PPP1R16A: variants seen among roughly 807,000 people sequenced by gnomAD.
PPP1R16A encodes protein phosphatase 1 regulatory subunit 16A.
PPP1R16A carries 39 observed loss-of-function variants against 46.6 expected under a neutral mutation model. The ratio of observed to expected loss-of-function variants is 0.84; its 90% CI spans 0.65 to 1.09. The LOEUF (loss-of-function observed/expected upper bound fraction) is 1.09. PPP1R16A is among the 50% of genes least tolerant of loss of function. PPP1R16A has a pLI of 0.00. For synonymous variants in PPP1R16A, 413 were observed against 321.5 expected (o/e 1.28, Z -3.04); for missense variants, 798 against 735.6 (o/e 1.08, Z -0.98).
chr8:144,499,972 TG>T, intron 5 of PPP1R16A, 123 bp from the exon 6 acceptor site: 1 of 918,566 alleles, frequency 1.1e-6, no homozygotes, highest in Non-Finnish European at 1.6e-6. Flanking sequence ...CAGCAGCAGG[TG>T]GACAGGGTGC....
chr8:144,485,609 C>T (rs1825604568), intron 1 of PPP1R16A, among the ~76,000 whole-genome samples: 1 of 152,010 alleles, frequency 6.6e-6, no homozygotes, highest in Non-Finnish European at 1.5e-5. Context: ...TTCCCGGGTA[C>T]CCATGTGGTA....
chr8:144,478,095 C>G lies in PPP1R16A; in HGVS notation c.-946C>G, dbSNP rs1825249320. 5 of 395,670 alleles carry G rather than the reference C, an allele frequency of 1.3e-5. No homozygotes were observed. Among genetic ancestry groups the G allele is most frequent in the Non-Finnish European group, 2.2e-5 (5 of 224,148 alleles). 24.5% of individuals were successfully genotyped at this position (395,670 alleles called of 1,614,324 possible). A position where few individuals can be genotyped will look rare whatever the true frequency, so the allele number is the denominator to read the frequency against. On this transcript the variant is annotated 5_prime_UTR_variant, in exon 1 of 12. Coordinates refer to ENST00000435887, the MANE Select transcript of PPP1R16A (RefSeq NM_001329443.2). Reference sequence around the variant, plus strand: ...CCACTGACCCGCGGAAGCCAGCGGACCCACTTGTGCGGCGGTCGGCGCGGG... The same window carrying G: ...CCACTGACCCGCGGAAGCCAGCGGAGCCACTTGTGCGGCGGTCGGCGCGGG...
chr8:144,501,831 A>G lies in PPP1R16A; in HGVS notation c.1515A>G (p.Pro505=). ...GTGGCTTCAGGGCAGGCGGGGACCC[A>G]CCCCTGCTCAAGCTCACAGCCCCGG... ...PDCGFRAGGD[P]PLLKLTAPAV... is the part of the protein sequence containing the mutation. Residue 505 remains proline, a synonymous_variant, in exon 12 of 12, where the codon CCA becomes CCG. Coordinates refer to ENST00000435887, the MANE Select transcript of PPP1R16A (RefSeq NM_001329443.2). 1 of 1,549,928 alleles carries G rather than the reference A, an allele frequency of 6.5e-7. No individual in the cohort carries two copies. Among genetic ancestry groups the G allele is most frequent in the Non-Finnish European group, 8.7e-7 (1 of 1,148,594 alleles).
intron 2 of PPP1R16A, among the ~76,000 whole-genome samples, chr8:144,494,583 G>A (rs1825964875): frequency 6.6e-6 from 1 of 152,176 alleles, no homozygotes; most frequent in African/African-American, 2.4e-5. Context: ...GCTGGCATGA[G>A]CCACTGTTCC....
At chr8:144,498,316 G>A in intron 3 of PPP1R16A, 1 of 354,536 alleles carries the variant, frequency 2.8e-6, no homozygotes, top group Non-Finnish European at 5.6e-6. Context: ...GGGGAGGGGA[G>A]TGAGAGCAGG....
In PPP1R16A at chr8:144,493,497, G is replaced by A. The variant is rs915212063; in HGVS notation, c.-734-2964G>A. Among the ~76,000 whole-genome samples the A allele has an allele frequency of 6.6e-6, 1 of 152,192 alleles. No homozygotes were observed. The highest frequency in any genetic ancestry group is 6.5e-5 in the Admixed American group (1 of 15,288). Reference sequence around the variant, plus strand: ...TGTTCCTGGTCCATCTTGTGGCTGGGAGGAGTAGACAAAGCTTCCACTAGA... The same window carrying A: ...TGTTCCTGGTCCATCTTGTGGCTGGAAGGAGTAGACAAAGCTTCCACTAGA... On this transcript the variant is annotated intron_variant, in intron 2 of 11. Coordinates refer to ENST00000435887, the MANE Select transcript of PPP1R16A (RefSeq NM_001329443.2). The surrounding 1 kb of genome is among the most constrained non-coding windows in gnomAD (Gnocchi z 4.3).
At position 144,500,602 on chromosome 8, in the gene PPP1R16A, ACTGG is replaced by A; in HGVS notation, c.822_825del (p.Tyr274Ter). 6.2e-7 allele frequency: 1 copy of A among 1,600,826 alleles called. No individual in the cohort carries two copies. Among genetic ancestry groups the A allele is most frequent in the Non-Finnish European group, 8.5e-7 (1 of 1,179,082 alleles). On this transcript the variant is annotated frameshift_variant, in exon 8 of 12. Coordinates refer to ENST00000435887, the MANE Select transcript of PPP1R16A (RefSeq NM_001329443.2). LOFTEE classifies it high-confidence loss of function. ...TGGGAGCCGCTGCACGCCGCGGCCT[ACTGG>A]GGCCAGGTGAGTGCGGGCGGGAGCA...
intron 1 of PPP1R16A, among the ~76,000 whole-genome samples, chr8:144,485,499 G>T (rs1258875715): frequency 6.0e-5 from 9 of 150,760 alleles, no homozygotes; most frequent in Non-Finnish European, 1.2e-4. Context: ...ACTGCAGCCC[G>T]GGCAACAGAG....
rs1274922728 is a variant in PPP1R16A, at chr8:144,501,954, C to T, written c.*51C>T. 1.4e-6 allele frequency: 2 copies of T among 1,461,378 alleles called. No individual in the cohort carries two copies. The highest frequency in any genetic ancestry group is 2.4e-5 in the Admixed American group (1 of 42,282). 90.5% of individuals were successfully genotyped at this position (1,461,378 alleles called of 1,614,324 possible). ...CTGTCGCGGGCACAGCCCAAGGCTG[C>T]CTCCCCACGGTGCGTGCCCTGGTGC... On this transcript the variant is annotated 3_prime_UTR_variant, in exon 12 of 12. Transcript: ENST00000435887.
chr8:144,498,753 TCG>T lies in PPP1R16A; in HGVS notation c.260-15_260-14del, dbSNP rs1564768347. ...CCAGGGGCAGGACCCTGTCCTCACC[TCG>T]CCACCTTTTTGCAGTCCGCCAGTTC... On this transcript the variant is annotated splice_polypyrimidine_tract_variant and intron_variant, in intron 3 of 11. Transcript: ENST00000435887. 1 of 1,565,986 alleles carries T rather than the reference TCG, an allele frequency of 6.4e-7. No homozygotes were observed. Among genetic ancestry groups the T allele is most frequent in the Admixed American group, 1.7e-5 (1 of 57,684 alleles).
intron 3 of PPP1R16A, chr8:144,498,535 T>C (rs997884947): frequency 1.1e-5 from 6 of 526,704 alleles, no homozygotes; most frequent in Middle Eastern, 4.9e-4. Flanking sequence ...GTCGGAGGGC[T>C]GGAGCACCAC....
chr8:144,500,780 C>T lies in PPP1R16A; in HGVS notation c.907+19C>T. On this transcript the variant is annotated intron_variant, in intron 9 of 11. Coordinates refer to ENST00000435887, the MANE Select transcript of PPP1R16A (RefSeq NM_001329443.2). Reference sequence around the variant, plus strand: ...CCCCTTGGTGAGCTTGCGGGGCCCACCTCCACCTGGGGGAGAGGACAGGCG... The same window carrying T: ...CCCCTTGGTGAGCTTGCGGGGCCCATCTCCACCTGGGGGAGAGGACAGGCG... 1 of 1,609,414 alleles carries T rather than the reference C, an allele frequency of 6.2e-7. No homozygotes were observed. The highest frequency in any genetic ancestry group is 8.5e-7 in the Non-Finnish European group (1 of 1,178,738).
rs148653988 is a variant in PPP1R16A, at chr8:144,485,591, T to G, written c.-913-4443T>G. ...AGAAAAGAGATGGCTCAGAGATCCC[T>G]TGTAGACTTCCCGGGTACCCATGTG... On this transcript the variant is annotated intron_variant, in intron 1 of 11. Coordinates refer to ENST00000435887, the MANE Select transcript of PPP1R16A (RefSeq NM_001329443.2). Among the ~76,000 whole-genome samples, 858 of 152,208 alleles carry G rather than the reference T, an allele frequency of 5.6e-3. 8 individuals carry two copies. The highest frequency in any genetic ancestry group is 0.017 in the Middle Eastern group (5 of 294).
chr8:144,491,595 C>G (rs1330012898), intron 2 of PPP1R16A, among the ~76,000 whole-genome samples: 6 of 152,068 alleles, frequency 3.9e-5, no homozygotes, highest in Non-Finnish European at 5.9e-5. Flanking sequence ...AACCCCATCT[C>G]TACTAAAAAT....
At chr8:144,497,648 T>G in intron 3 of PPP1R16A, 195 bp downstream of exon 3, 6 of 762,540 alleles carry the variant, frequency 7.9e-6, no homozygotes, top group Non-Finnish European at 1.4e-5. Flanking sequence ...TGGGCAGCCC[T>G]GAGGTGAGCC....
At position 144,500,211 on chromosome 8, in the gene PPP1R16A, G is replaced by A. The variant is rs1268815629; in HGVS notation, c.580+12G>A. 1.9e-6 allele frequency: 3 copies of A among 1,597,512 alleles called. No homozygotes were observed. The highest frequency in any genetic ancestry group is 2.3e-5 in the East Asian group (1 of 43,648). On this transcript the variant is annotated intron_variant, in intron 6 of 11. Transcript: ENST00000435887. ...CATGGCCGACCGTGGTAGGTGCGGC[G>A]GTGCGGCTGTGGGAGGGCTGCCGGT...
intron 8 of PPP1R16A, 37 bp downstream of exon 8, chr8:144,500,649 A>G: frequency 6.2e-7 from 1 of 1,606,158 alleles, no homozygotes; most frequent in South Asian, 1.1e-5. Context: ...GGGGGCTTCC[A>G]GCGCAGCAGT....
intron 2 of PPP1R16A, among the ~76,000 whole-genome samples, chr8:144,491,109 C>G (rs147726739): frequency 6.6e-6 from 1 of 152,248 alleles, no homozygotes; most frequent in East Asian, 1.9e-4. Context: ...GTATGTAACA[C>G]CTTTAGCCAG....
rs1826434942 is a variant in PPP1R16A, at chr8:144,501,195, G to A, written c.1104G>A (p.Glu368=). 1.2e-6 allele frequency: 2 copies of A among 1,609,998 alleles called. No individual in the cohort carries two copies. Among genetic ancestry groups the A allele is most frequent in the Non-Finnish European group, 1.7e-6 (2 of 1,179,642 alleles). The part of the protein sequence containing the change: ...TDLYRKQHAQ[E]AIVWQQPPPT... ...TGTACCGCAAGCAGCACGCCCAGGAGGCCATCGTGTGGCAACAGCCGCCGC... is the reference window on the plus strand; with the variant it reads ...TGTACCGCAAGCAGCACGCCCAGGAAGCCATCGTGTGGCAACAGCCGCCGC... Residue 368 remains glutamate (E), a synonymous_variant, in exon 11 of 12, where the codon GAG becomes GAA. Coordinates refer to ENST00000435887, the MANE Select transcript of PPP1R16A (RefSeq NM_001329443.2).
Sources: allele counts gnomAD v4.1 joint callset (sites outside exome capture counted in the v4.1 genomes callset), GRCh38; gene constraint gnomAD v4.1.1; non-coding constraint Gnocchi (gnomAD v3.1); transcripts MANE v1.5; gene names NCBI Gene and HGNC (gene_info 2026-07-23, HGNC 2026-07-21).